Variants in CLSTN2 observed in about 807,000 individuals in gnomAD.
The protein encoded by CLSTN2 is calsyntenin 2, also known as calsyntenin-2.
A neutral mutation model predicts 101.2 loss-of-function variants in CLSTN2; 48 were observed. That is an observed-to-expected ratio of 0.47 (90% CI 0.38 to 0.60). The LOEUF is 0.60. Ranked by LOEUF, CLSTN2 falls within the 20% of genes least tolerant of loss-of-function variation. CLSTN2 has a pLI of 0.00. For missense variants in CLSTN2, 1,160 were observed against 1,238.2 expected, an observed-to-expected ratio of 0.94 and a Z score of 0.95; for synonymous variants, 481 against 463.6, an observed-to-expected ratio of 1.04 and a Z score of -0.48.
intron 1 of CLSTN2, among the ~76,000 whole-genome samples, chr3:139,950,795 A>T (rs1251796482): frequency 6.6e-6 from 1 of 152,246 alleles, no homozygotes; most frequent in Non-Finnish European, 1.5e-5. Flanking sequence ...ATTTCAACAA[A>T]TGCTTGGGCC....
chr3:140,007,108 AC>A (rs2006974255), intron 1 of CLSTN2, among the ~76,000 whole-genome samples: 1 of 152,090 alleles, frequency 6.6e-6, no homozygotes, highest in South Asian at 2.1e-4. Flanking sequence ...TTTCTGACCC[AC>A]CGAGAAGTTC....
intron 5 of CLSTN2, among the ~76,000 whole-genome samples, chr3:140,435,353 A>G (rs925490681): frequency 1.3e-5 from 2 of 152,238 alleles, no homozygotes; most frequent in African/African-American, 2.4e-5. Flanking sequence ...TTCACTTAAC[A>G]TAATGATCTC....
chr3:140,343,896 T>G (rs2087516374), intron 2 of CLSTN2, among the ~76,000 whole-genome samples: 1 of 152,184 alleles, frequency 6.6e-6, no homozygotes, highest in South Asian at 2.1e-4. Context: ...GTTTGGTAAT[T>G]CAACCGTCTT....
chr3:140,427,246 C>CACAT lies in CLSTN2; in HGVS notation c.787+5973_787+5974insCATA, dbSNP rs1553742796. Among the ~76,000 whole-genome samples the CACAT allele has an allele frequency of 2.4e-3, 265 of 109,038 alleles. 4 individuals carry two copies. In the East Asian group the frequency reaches 0.054, roughly 22 times the overall value. The allele number at this position is 109,038 out of a possible 152,430, so 71.5% of individuals were successfully genotyped here. A position where few individuals can be genotyped will look rare whatever the true frequency, so the allele number is the denominator to read the frequency against. On this transcript the variant is annotated intron_variant, in intron 5 of 16. Coordinates refer to ENST00000458420, the MANE Select transcript of CLSTN2 (RefSeq NM_022131.3). ...ATATGTGTGTATATATATATATATA[C>CACAT]ATATATATATACATAAATTAAAAAA...
intron 10 of CLSTN2, among the ~76,000 whole-genome samples, chr3:140,553,997 T>C (rs1935754820): frequency 1.4e-5 from 2 of 145,300 alleles, no homozygotes; most frequent in Non-Finnish European, 3.0e-5. Flanking sequence ...CTCATTTGTC[T>C]AACAGGGGCT....
At chr3:140,312,802 G>T (rs1035721101) in intron 2 of CLSTN2, among the ~76,000 whole-genome samples, 2 of 152,146 alleles carry the variant, frequency 1.3e-5, no homozygotes, top group Non-Finnish European at 2.9e-5. Flanking sequence ...TCTGACAGTA[G>T]TTACATGGGA....
At chr3:140,349,537 T>C (rs1481200642) in intron 2 of CLSTN2, among the ~76,000 whole-genome samples, 1 of 152,164 alleles carries the variant, frequency 6.6e-6, no homozygotes, top group Non-Finnish European at 1.5e-5. Flanking sequence ...TGTAGATTCT[T>C]AAGAAGACAG....
rs146475716 is a variant in CLSTN2, at chr3:140,271,404, C to A, written c.232+95331C>A. Among the ~76,000 whole-genome samples, 5 of 152,270 alleles carry A rather than the reference C, an allele frequency of 3.3e-5. No individual in the cohort carries two copies. The East Asian group carries it at 9.7e-4, about 29-fold the overall frequency. On this transcript the variant is annotated intron_variant, in intron 2 of 16. Coordinates refer to ENST00000458420, the MANE Select transcript of CLSTN2 (RefSeq NM_022131.3). Reference sequence around the variant, plus strand: ...ATGTTACCGAACACTGGGATTACCCCAGTGTATTATGTACATGGCAAATAT... The same window carrying A: ...ATGTTACCGAACACTGGGATTACCCAAGTGTATTATGTACATGGCAAATAT...
intron 4 of CLSTN2, among the ~76,000 whole-genome samples, chr3:140,420,540 C>T (rs1446786391): frequency 2.0e-5 from 3 of 152,262 alleles, no homozygotes; most frequent in South Asian, 4.1e-4. Context: ...TACTTGGTCT[C>T]TCTTAGAGAA....
intron 8 of CLSTN2, among the ~76,000 whole-genome samples, chr3:140,483,642 A>T (rs1295526591): frequency 6.6e-6 from 1 of 152,066 alleles, no homozygotes; most frequent in Non-Finnish European, 1.5e-5. Flanking sequence ...TTGGGTGCAT[A>T]TATATTTAGG....
rs145686265 is a variant in CLSTN2 at position 140,328,447 on chromosome 3, C to T, written c.233-75182C>T. On this transcript the variant is annotated intron_variant, in intron 2 of 16. Transcript: ENST00000458420. Reference sequence around the variant, plus strand: ...GTAAAACATTTGGGATTTTAGGGATCGTATGTGTTAGCTATCTTCCTATGG... The same window carrying T: ...GTAAAACATTTGGGATTTTAGGGATTGTATGTGTTAGCTATCTTCCTATGG... 4.9e-3 allele frequency among the ~76,000 whole-genome samples: 745 copies of T among 152,236 alleles called. 3 individuals carry two copies. Among genetic ancestry groups the T allele is most frequent in the African/African-American group, 0.017 (696 of 41,532 alleles).
At chr3:140,480,448 T>C (rs1044334191) in intron 8 of CLSTN2, among the ~76,000 whole-genome samples, 1 of 152,214 alleles carries the variant, frequency 6.6e-6, no homozygotes, top group Non-Finnish European at 1.5e-5. Context: ...TATAATCCTT[T>C]GGGTATATAC....
chr3:140,526,598 A>AC (rs201115459), intron 8 of CLSTN2, among the ~76,000 whole-genome samples: 17 of 130,852 alleles, frequency 1.3e-4, no homozygotes, highest in East Asian at 9.7e-4. Flanking sequence ...AAACAAACAA[A>AC]AAAAAAAAAC....
At chr3:140,527,315 A>C (rs1935164469) in intron 8 of CLSTN2, among the ~76,000 whole-genome samples, 1 of 152,184 alleles carries the variant, frequency 6.6e-6, no homozygotes, top group Non-Finnish European at 1.5e-5. Context: ...GGCCAACAAA[A>C]ATATGAAAAA....
At chr3:140,421,583 G>T (rs192709640) in intron 5 of CLSTN2, among the ~76,000 whole-genome samples, 1 of 152,084 alleles carries the variant, frequency 6.6e-6, no homozygotes, top group African/African-American at 2.4e-5. Context: ...TTGCCAGCAA[G>T]CCTATTCACT....
In CLSTN2 at chr3:140,559,252, G is replaced by A. The variant is rs140574228; in HGVS notation, c.2041+395G>A. 4.5e-3 allele frequency among the ~76,000 whole-genome samples: 687 copies of A among 151,900 alleles called. 13 individuals carry two copies. Among genetic ancestry groups the A allele is most frequent in the Admixed American group, 0.039 (594 of 15,268 alleles). On this transcript the variant is annotated intron_variant, in intron 12 of 16. Transcript: ENST00000458420. Reference sequence around the variant, plus strand: ...TCTCTGAGAGGCATAACGAGAGCCCGTTTGTTTCTGCTTCCCTTCCCTTTC... The same window carrying A: ...TCTCTGAGAGGCATAACGAGAGCCCATTTGTTTCTGCTTCCCTTCCCTTTC...
At chr3:140,517,786 T>C (rs1934948403) in intron 8 of CLSTN2, among the ~76,000 whole-genome samples, 1 of 152,166 alleles carries the variant, frequency 6.6e-6, no homozygotes, top group South Asian at 2.1e-4. Flanking sequence ...ACTAATTTTG[T>C]GTTGGTTGAC....
intron 1 of CLSTN2, among the ~76,000 whole-genome samples, chr3:139,999,385 G>T (rs557090200): frequency 6.6e-6 from 1 of 152,130 alleles, no homozygotes; most frequent in African/African-American, 2.4e-5. Flanking sequence ...GTGTAAATTT[G>T]TCCAGGGTGA....
At chr3:139,979,702 A>G (rs1013764222) in intron 1 of CLSTN2, among the ~76,000 whole-genome samples, 11 of 152,016 alleles carry the variant, frequency 7.2e-5, no homozygotes, top group African/African-American at 2.7e-4. Context: ...GTGCATGGGG[A>G]ATAGTATCCC....
Sources: allele counts gnomAD v4.1 joint callset (sites outside exome capture counted in the v4.1 genomes callset), GRCh38; gene constraint gnomAD v4.1.1; transcripts MANE v1.5; gene names NCBI Gene and HGNC (gene_info 2026-07-23, HGNC 2026-07-21).